PRKN: variants seen among roughly 807,000 people sequenced by gnomAD.
PRKN encodes the protein parkin RBR E3 ubiquitin protein ligase.
Under a neutral mutation model 59.5 loss-of-function variants are expected in PRKN, and 56 were observed. The ratio of observed to expected loss-of-function variants is 0.94; its 90% CI spans 0.76 to 1.18. PRKN has a LOEUF of 1.18. Among genes scored for constraint, PRKN ranks in the 50% most tolerant of loss-of-function variants. The probability of loss-of-function intolerance (pLI) is 0.00; values close to 1 mark genes in which losing one functional copy is unlikely to be tolerated. For synonymous variants in PRKN, 250 were observed against 222.1 expected (o/e 1.13, Z -1.12); for missense variants, 657 against 596.4 (o/e 1.10, Z -1.06).
At chr6:162,534,277 T>C (rs1382645870) in intron 1 of PRKN, among the ~76,000 whole-genome samples, 2 of 152,256 alleles carry the variant, frequency 1.3e-5, no homozygotes, top group East Asian at 3.9e-4. Context: ...TCTAAGCTAC[T>C]TCATGTCTCT....
intron 1 of PRKN, among the ~76,000 whole-genome samples, chr6:162,719,952 A>G (rs942550518): frequency 2.0e-5 from 3 of 151,942 alleles, no homozygotes; most frequent in Non-Finnish European, 2.9e-5. Context: ...CAGATATTAC[A>G]AATGTTCCTT....
At position 161,576,508 on chromosome 6, in the gene PRKN, G is replaced by A. The variant is rs531037122; in HGVS notation, c.872-7092C>T. On this transcript the variant is annotated intron_variant, in intron 7 of 11. Coordinates refer to ENST00000366898, the MANE Select transcript of PRKN (RefSeq NM_004562.3). This position sits in a 1 kb window ranked among gnomAD's most constrained non-coding sequence, Gnocchi z 4.6. ...GACACATCTAAAATGACCATCAACA[G>A]AAGAAGAGATAAAATCATTCAACAA... Among the ~76,000 whole-genome samples the A allele has an allele frequency of 5.9e-5, 9 of 152,258 alleles. No homozygotes were observed. In the East Asian group the frequency reaches 1.8e-3, roughly 30 times the overall value.
chr6:161,726,853 T>A (rs1400883191), intron 7 of PRKN, among the ~76,000 whole-genome samples: 1 of 152,152 alleles, frequency 6.6e-6, no homozygotes, highest in Non-Finnish European at 1.5e-5. Flanking sequence ...AATCTAGGCT[T>A]GTATTCTTTC....
intron 4 of PRKN, among the ~76,000 whole-genome samples, chr6:162,081,223 A>G (rs1779042827): frequency 6.6e-6 from 1 of 152,048 alleles, no homozygotes. Context: ...GAAGTTCTTA[A>G]TGGCATCTAG....
At chr6:161,370,983 C>T (rs942346510) in intron 10 of PRKN, among the ~76,000 whole-genome samples, 2 of 152,168 alleles carry the variant, frequency 1.3e-5, no homozygotes, top group African/African-American at 2.4e-5. Flanking sequence ...AGCACTGCTG[C>T]GTGTGAGCAG....
chr6:162,036,221 G>A (rs1162106390), intron 5 of PRKN, among the ~76,000 whole-genome samples: 1 of 151,670 alleles, frequency 6.6e-6, no homozygotes, highest in Non-Finnish European at 1.5e-5. Flanking sequence ...CTACTCGGGA[G>A]GCTGCGGCAG....
intron 3 of PRKN, among the ~76,000 whole-genome samples, chr6:162,228,086 G>C (rs1232627510): frequency 6.6e-6 from 1 of 152,134 alleles, no homozygotes; most frequent in Non-Finnish European, 1.5e-5. Flanking sequence ...ACCTCACTAC[G>C]CTGAGCTCAT....
intron 1 of PRKN, among the ~76,000 whole-genome samples, chr6:162,600,076 C>T (rs1311690235): frequency 6.6e-6 from 1 of 152,146 alleles, no homozygotes; most frequent in Non-Finnish European, 1.5e-5. Context: ...CCCATCTCAT[C>T]CCAACACAGA....
chr6:161,521,767 T>C (rs1240804665), intron 9 of PRKN, among the ~76,000 whole-genome samples: 1 of 152,146 alleles, frequency 6.6e-6, no homozygotes, highest in Non-Finnish European at 1.5e-5. Context: ...TCAGTTTGAT[T>C]ACTGGGGCCA....
At position 161,363,098 on chromosome 6, in the gene PRKN, C is replaced by T. The variant is rs1011861294; in HGVS notation, c.1168-2893G>A. Among the ~76,000 whole-genome samples the T allele has an allele frequency of 3.9e-5, 6 of 152,092 alleles. No individual in the cohort carries two copies. The highest frequency in any genetic ancestry group is 3.9e-4 in the Admixed American group (6 of 15,252). ...CTCTGCTAAAAACACAACGATTAGC[C>T]AAGCGTGGTGGTGTGCACCTGTAGT... On this transcript the variant is annotated intron_variant, in intron 10 of 11. Transcript: ENST00000366898. This position sits in a 1 kb window ranked among gnomAD's most constrained non-coding sequence, Gnocchi z 4.1.
chr6:161,509,200 C>CT (rs10578350), intron 9 of PRKN, among the ~76,000 whole-genome samples: 23 of 149,544 alleles, frequency 1.5e-4, no homozygotes, highest in South Asian at 6.3e-4. Flanking sequence ...AAAGACTTTT[C>CT]TTTTTTTTTT....
intron 7 of PRKN, among the ~76,000 whole-genome samples, chr6:161,666,381 A>T (rs994902740): frequency 1.3e-5 from 2 of 152,122 alleles, no homozygotes; most frequent in Non-Finnish European, 2.9e-5. Context: ...CCTTATGAGG[A>T]TCTAACTAAT....
chr6:162,469,509 TACACACAC>T (rs74725154), intron 1 of PRKN, among the ~76,000 whole-genome samples: 10 of 149,024 alleles, frequency 6.7e-5, no homozygotes, highest in Non-Finnish European at 8.9e-5. Flanking sequence ...TGTGTGTGTA[TACACACAC>T]ACACACACAC....
At position 161,584,414 on chromosome 6, in the gene PRKN, C is replaced by A. The variant is rs149109527; in HGVS notation, c.872-14998G>T. The stretch of plus-strand genomic sequence containing the variant: ...AACATAATATAAAAAGCACAAAAAT[C>A]TATTTTGTAAGATTAGTTAATTTAA... On this transcript the variant is annotated intron_variant, in intron 7 of 11. Coordinates refer to ENST00000366898, the MANE Select transcript of PRKN (RefSeq NM_004562.3). The surrounding 1 kb of genome is among the most constrained non-coding windows in gnomAD (Gnocchi z 4.8). Among the ~76,000 whole-genome samples, 29 of 152,274 alleles carry A rather than the reference C, an allele frequency of 1.9e-4. 1 individual carries two copies. In the East Asian group the frequency reaches 5.6e-3, roughly 29 times the overall value.
At position 161,445,287 on chromosome 6, in the gene PRKN, C is replaced by T. The variant is rs1789432900; in HGVS notation, c.1084-58410G>A. Among the ~76,000 whole-genome samples, 1 of 152,124 alleles carries T rather than the reference C, an allele frequency of 6.6e-6. No individual in the cohort carries two copies. Among genetic ancestry groups the T allele is most frequent in the South Asian group, 2.1e-4 (1 of 4,824 alleles). The stretch of plus-strand genomic sequence containing the variant: ...ACTGTAAAACATAGACCGCATGTGA[C>T]CTGCTGGTGCTCGGCACTGACCCAG... On this transcript the variant is annotated intron_variant, in intron 9 of 11. Coordinates refer to ENST00000366898, the MANE Select transcript of PRKN (RefSeq NM_004562.3). This position sits in a 1 kb window ranked among gnomAD's most constrained non-coding sequence, Gnocchi z 7.7.
intron 1 of PRKN, among the ~76,000 whole-genome samples, chr6:162,595,307 G>A (rs1244863181): frequency 6.6e-6 from 1 of 151,152 alleles, no homozygotes; most frequent in Non-Finnish European, 1.5e-5. Flanking sequence ...CCAACCTGGA[G>A]TGCAGTGGTG....
At chr6:162,538,235 C>G (rs1434138574) in intron 1 of PRKN, among the ~76,000 whole-genome samples, 1 of 151,784 alleles carries the variant, frequency 6.6e-6, no homozygotes, top group African/African-American at 2.4e-5. Context: ...CCTGCTCTAC[C>G]AAAAATACAA....
At chr6:162,561,441 G>C (rs1343590079) in intron 1 of PRKN, among the ~76,000 whole-genome samples, 1 of 152,018 alleles carries the variant, frequency 6.6e-6, no homozygotes, top group Non-Finnish European at 1.5e-5. Flanking sequence ...ACCCCGCAAG[G>C]ACACCAAGTT....
chr6:162,547,684 G>A (rs567478523), intron 1 of PRKN, among the ~76,000 whole-genome samples: 6 of 152,188 alleles, frequency 3.9e-5, no homozygotes, highest in Non-Finnish European at 7.4e-5. Context: ...GGGTTCAGGC[G>A]ATTCTCCTGC....
Sources: allele counts gnomAD v4.1 joint callset (sites outside exome capture counted in the v4.1 genomes callset), GRCh38; gene constraint gnomAD v4.1.1; non-coding constraint Gnocchi (gnomAD v3.1); transcripts MANE v1.5; gene names NCBI Gene and HGNC (gene_info 2026-07-23, HGNC 2026-07-21).